SPATA21: variants seen among roughly 807,000 people sequenced by gnomAD.
SPATA21 encodes spermatogenesis-associated protein 21.
In SPATA21, 47 loss-of-function variants were observed where a neutral mutation model predicts 54.8. The ratio of observed to expected loss-of-function variants is 0.86; its 90% CI spans 0.68 to 1.09. The LOEUF is 1.09. Among genes scored for constraint, SPATA21 ranks in the 50% least tolerant of loss-of-function variants. SPATA21 has a pLI of 0.00. For synonymous variants in SPATA21, 245 were observed against 235.3 expected (o/e 1.04, Z -0.38); for missense variants, 599 against 596.4 (o/e 1.00, Z -0.05).
rs749324205 is a variant in SPATA21 at position 16,399,508 on chromosome 1, C to T, written c.1188G>A (p.Gln396=). 7 of 1,613,454 alleles carry T rather than the reference C, an allele frequency of 4.3e-6. No individual in the cohort carries two copies. The East Asian group carries it at 6.7e-5, about 15-fold the overall frequency. The change falls in exon 12 of 13, where the codon CAG becomes CAA. Residue 396 remains glutamine, a synonymous_variant. Transcript: ENST00000335496. ...LKQQNYAPNL[Q]SPYAQVPCIL... ...TGCAGGGCACCTGGGCATAGGGGCT[C>T]TGCAGGTTGGGAGCTGGTGAAGAAG...
At position 16,420,603 on chromosome 1, in the gene SPATA21, G is replaced by A. The variant is rs547678247; in HGVS notation, c.144+906C>T. ...GCTGATGGAATCGTCCTGTAGTAACGCAGAGAGGGATCATGTGGTGGGGGG... is the reference window on the plus strand; with the variant it reads ...GCTGATGGAATCGTCCTGTAGTAACACAGAGAGGGATCATGTGGTGGGGGG... On this transcript the variant is annotated intron_variant, in intron 5 of 12. Coordinates refer to ENST00000335496, the MANE Select transcript of SPATA21 (RefSeq NM_198546.1). 2.0e-4 allele frequency among the ~76,000 whole-genome samples: 31 copies of A among 152,182 alleles called. No individual in the cohort carries two copies. In the South Asian group the frequency reaches 4.8e-3, roughly 23 times the overall value.
At chr1:16,415,648 C>T (rs1401663588) in intron 5 of SPATA21, among the ~76,000 whole-genome samples, 2 of 151,658 alleles carry the variant, frequency 1.3e-5, no homozygotes, top group South Asian at 2.1e-4. Context: ...CAAGCTCCAC[C>T]TCCCGGGTTC....
chr1:16,403,597 T>C (rs2085526926), intron 10 of SPATA21, 130 bp downstream of exon 10: 1 of 780,740 alleles, frequency 1.3e-6, no homozygotes. Context: ...CAAGCGATTC[T>C]CGTGCCTCAG....
At chr1:16,398,883 A>G in intron 12 of SPATA21, 61 bp from the exon 13 acceptor site, 4 of 1,546,620 alleles carry the variant, frequency 2.6e-6, no homozygotes, top group Admixed American at 3.7e-5. Flanking sequence ...ATCTGCCAGT[A>G]TATGAGCCAT....
intron 3 of SPATA21, chr1:16,425,807 A>G (rs1238193227): frequency 7.6e-7 from 1 of 1,323,976 alleles, no homozygotes; most frequent in African/African-American, 1.5e-5. Context: ...AGGGCTAGGC[A>G]TACCATAGGT....
At chr1:16,413,098 G>T (rs1243686128) in intron 5 of SPATA21, among the ~76,000 whole-genome samples, 1 of 151,936 alleles carries the variant, frequency 6.6e-6, no homozygotes, top group Non-Finnish European at 1.5e-5. Context: ...TTTTTTTTTA[G>T]AGACAGTGTC....
chr1:16,403,483 C>CTTTTTTTTTTTTTTTTTTTTT (rs1229942098), intron 10 of SPATA21, among the ~76,000 whole-genome samples: 1 of 117,118 alleles, frequency 8.5e-6, no homozygotes, highest in Admixed American at 8.9e-5. Context: ...TAGTTTTTTT[C>CTTTTTTTTTTTTTTTTTTTTT]TTTTTTTTCT....
In SPATA21 at chr1:16,409,806, G is replaced by A. The variant is rs1557653458; in HGVS notation, c.382C>T (p.Pro128Ser). ...TPVPTSAPSL[P>S]QTPASVPASG... Reference sequence around the variant, plus strand: ...GCAGGGACCGAGGCAGGGGTCTGAGGCAGGCTTGGAGCTGAGGTGGGCACC... The same window carrying A: ...GCAGGGACCGAGGCAGGGGTCTGAGACAGGCTTGGAGCTGAGGTGGGCACC... Residue 128 changes from proline (P) to serine (S), a missense_variant, in exon 6 of 13, where the codon CCT becomes TCT. Physicochemically the swap from Pro to Ser is moderately conservative, Grantham distance 74. Transcript: ENST00000335496. This position sits in a 1 kb window ranked among gnomAD's most constrained non-coding sequence, Gnocchi z 4.1. 6.3e-7 allele frequency: 1 copy of A among 1,599,538 alleles called. No individual in the cohort carries two copies. The highest frequency in any genetic ancestry group is 1.7e-5 in the Admixed American group (1 of 57,822).
intron 3 of SPATA21, among the ~76,000 whole-genome samples, chr1:16,429,151 T>A (rs2086393639): frequency 6.6e-6 from 1 of 152,134 alleles, no homozygotes; most frequent in Admixed American, 6.5e-5. Flanking sequence ...CTTTTTATTT[T>A]TTTTTTTGGC....
At chr1:16,402,891 A>G (rs1224029069) in intron 10 of SPATA21, among the ~76,000 whole-genome samples, 7 of 152,030 alleles carry the variant, frequency 4.6e-5, no homozygotes, top group Non-Finnish European at 1.0e-4. Flanking sequence ...GTATCACTAC[A>G]CTTCAGCCTG....
rs2086612137 is a variant in SPATA21 at position 16,437,407 on chromosome 1, G to C, written c.-466C>G. On this transcript the variant is annotated 5_prime_UTR_variant, in exon 1 of 13. Transcript: ENST00000335496. ...CTACTGGACAGTGTCATTTCCCCCA[G>C]CTTGTCACTGGTTCAGTGGCCCCCA... The C allele has an allele frequency of 6.6e-6, 1 of 152,208 alleles. No individual in the cohort carries two copies. The highest frequency in any genetic ancestry group is 1.5e-5 in the Non-Finnish European group (1 of 68,070). The allele number at this position is 152,208 out of a possible 1,614,324, so 9.4% of individuals were successfully genotyped here.
chr1:16,424,602 G>C lies in SPATA21; in HGVS notation c.35-2631C>G, dbSNP rs555559272. Among the ~76,000 whole-genome samples the C allele has an allele frequency of 2.0e-3, 308 of 151,660 alleles. 3 individuals carry two copies. Among genetic ancestry groups the C allele is most frequent in the African/African-American group, 7.2e-3 (296 of 41,340 alleles). On this transcript the variant is annotated intron_variant, in intron 3 of 12. Coordinates refer to ENST00000335496, the MANE Select transcript of SPATA21 (RefSeq NM_198546.1). The stretch of plus-strand genomic sequence containing the variant: ...CCAGCTAACTTTGGTATTTTTTGTA[G>C]GAACGGGGTTTCACCATGTTGCCCT...
In SPATA21 at chr1:16,421,738, A is replaced by T. The variant is rs903540887; in HGVS notation, c.95+173T>A. ...TATATACAGGCTCACGGAACCAAGA[A>T]TTCTGGTATTCCAGCCATTACACAG... On this transcript the variant is annotated intron_variant, in intron 4 of 12. Coordinates refer to ENST00000335496, the MANE Select transcript of SPATA21 (RefSeq NM_198546.1). This position sits in a 1 kb window ranked among gnomAD's most constrained non-coding sequence, Gnocchi z 5.2. Among the ~76,000 whole-genome samples, 1 of 152,110 alleles carries T rather than the reference A, an allele frequency of 6.6e-6. No homozygotes were observed. Among genetic ancestry groups the T allele is most frequent in the East Asian group, 1.9e-4 (1 of 5,190 alleles).
At chr1:16,400,486 G>A (rs1365652004) in intron 11 of SPATA21, 1 of 1,283,178 alleles carries the variant, frequency 7.8e-7, no homozygotes, top group Non-Finnish European at 9.9e-7. Flanking sequence ...ACCAACCTGT[G>A]CTCAGGCTAA....
At chr1:16,410,391 G>T (rs561022898) in intron 5 of SPATA21, among the ~76,000 whole-genome samples, 1 of 151,324 alleles carries the variant, frequency 6.6e-6, no homozygotes, top group African/African-American at 2.4e-5. Flanking sequence ...GACTACAGCC[G>T]CGCACTACAA....
rs913739101 is a variant in SPATA21, at chr1:16,400,876, GC to G, written c.1017del (p.Lys339AsnfsTer2). ...TGGGCCTTGCAGGTGCCTTCCTTCA[GC>G]TTTTTCTGGTAGTAGCTGGGGAGGC... Reference protein sequence around the residue: ...LEEITNYYQKKLKEGTCKAQE... With the variant: ...LEEITNYYQKXLKEGTCKAQE... On this transcript the variant is annotated frameshift_variant, in exon 11 of 13. Coordinates refer to ENST00000335496, the MANE Select transcript of SPATA21 (RefSeq NM_198546.1). LOFTEE classifies it high-confidence loss of function. The G allele has an allele frequency of 6.2e-7, 1 of 1,612,718 alleles. No homozygotes were observed. The highest frequency in any genetic ancestry group is 8.5e-7 in the Non-Finnish European group (1 of 1,179,428).
intron 7 of SPATA21, among the ~76,000 whole-genome samples, chr1:16,405,502 A>AAC (rs199838567): frequency 0.018 from 2,718 of 148,656 alleles, 115 homozygotes; most frequent in African/African-American, 0.063. Context: ...TGAAAAAAAA[A>AAC]AAAAAAAAAA....
intron 3 of SPATA21, chr1:16,425,277 T>G (rs1251693910): frequency 1.6e-6 from 1 of 641,110 alleles, no homozygotes; most frequent in Non-Finnish European, 2.9e-6. Context: ...ACAGACTGAG[T>G]GCTTGACATC....
chr1:16,424,248 G>C (rs1444810299), intron 3 of SPATA21, among the ~76,000 whole-genome samples: 2 of 4,266 alleles, frequency 4.7e-4, no homozygotes, highest in East Asian at 6.0e-3. Flanking sequence ...GGGAGGCAGA[G>C]CTTGCAGTGA....
Sources: allele counts gnomAD v4.1 joint callset (sites outside exome capture counted in the v4.1 genomes callset), GRCh38; gene constraint gnomAD v4.1.1; non-coding constraint Gnocchi (gnomAD v3.1); transcripts MANE v1.5; gene names NCBI Gene and HGNC (gene_info 2026-07-23, HGNC 2026-07-21).